DHX37: variants seen among roughly 807,000 people sequenced by gnomAD.
The protein encoded by DHX37 is DEAH-box helicase 37.
In DHX37, 52 loss-of-function variants were observed where a neutral mutation model predicts 134.3. The ratio of observed to expected loss-of-function variants is 0.39; its 90% CI spans 0.31 to 0.49. The LOEUF is 0.49. DHX37 is among the 20% of genes least tolerant of loss of function. The pLI is 0.93. For missense variants in DHX37, 1,344 were observed against 1,580.8 expected (o/e 0.85, Z 2.54); for synonymous variants, 634 against 670.7 (o/e 0.95, Z 0.85).
intron 9 of DHX37, 32 bp from the exon 10 acceptor site, chr12:124,968,680 G>GA (rs761581252): frequency 1.2e-6 from 2 of 1,613,478 alleles, no homozygotes; most frequent in African/African-American, 2.7e-5. Context: ...ATGGGGAGTG[G>GA]GGGGGACACG....
chr12:124,988,875 GGGAAATCTCC>G (rs1954923116), intron 1 of DHX37, 32 bp downstream of exon 1: 1 of 1,256,500 alleles, frequency 8.0e-7, no homozygotes, highest in African/African-American at 1.5e-5. Context: ...AGGCCGCCCT[GGGAAATCTCC>G]GAAATCCAGC....
At position 124,986,238 on chromosome 12, in the gene DHX37, G is replaced by C. The variant is rs1404413126; in HGVS notation, c.134C>G (p.Ala45Gly). Residue 45 changes from alanine to glycine, a missense_variant, in exon 2 of 27, where the codon GCA (alanine) becomes GGA (glycine). By Grantham distance (60) the Ala-to-Gly change is moderately conservative (BLOSUM62 0). Transcript: ENST00000308736. Reference protein sequence around the residue: ...EDKDTLKGVDASNALVLPGKK... With the variant: ...EDKDTLKGVDGSNALVLPGKK... ...CCCCGGTAGAACGAGCGCGTTGCTT[G>C]CATCAACTCCCTTCAACGTGTCCTT... is the stretch of plus-strand genomic sequence containing the variant. The C allele has an allele frequency of 1.6e-5, 26 of 1,613,858 alleles. No individual in the cohort carries two copies. Among genetic ancestry groups the C allele is most frequent in the Non-Finnish European group, 2.2e-5 (26 of 1,180,024 alleles).
rs77855033 is a variant in DHX37 at position 124,948,468 on chromosome 12, T to G, written c.3291-287A>C. On this transcript the variant is annotated intron_variant, in intron 25 of 26. Transcript: ENST00000308736. ...TTGTCTCAAAAACAAACAAACTGGC[T>G]GAGCGTGGTGGCTCACGCCTGTAAT... 77 of 520,948 alleles carry G rather than the reference T, an allele frequency of 1.5e-4. No individual in the cohort carries two copies. In the East Asian group the frequency reaches 1.5e-3, roughly 10 times the overall value. 32.3% of individuals were successfully genotyped at this position (520,948 alleles called of 1,614,324 possible). A position where few individuals can be genotyped will look rare whatever the true frequency, so the allele number is the denominator to read the frequency against.
intron 8 of DHX37, 137 bp downstream of exon 8, chr12:124,971,165 A>T (rs1954514416): frequency 5.8e-6 from 8 of 1,377,164 alleles, no homozygotes; most frequent in Admixed American, 4.5e-5. Context: ...AGGCCCAGGG[A>T]GACCTTGTGC....
rs914867981 is a variant in DHX37, at chr12:124,982,368, G to A, written c.389+143C>T. The stretch of plus-strand genomic sequence containing the variant: ...GCCTTTACCCACTAGAGGCATTTAG[G>A]ATGACAATGAATTTTCAGCCACTCA... On this transcript the variant is annotated intron_variant, in intron 3 of 26. Transcript: ENST00000308736. 34 of 1,132,272 alleles carry A rather than the reference G, an allele frequency of 3.0e-5. No individual in the cohort carries two copies. The Admixed American group carries it at 8.1e-4, about 27-fold the overall frequency. The allele number at this position is 1,132,272 out of a possible 1,614,324, so 70.1% of individuals were successfully genotyped here. A position where few individuals can be genotyped will look rare whatever the true frequency, so the allele number is the denominator to read the frequency against.
chr12:124,971,258 G>T (rs200993459), intron 8 of DHX37, 44 bp downstream of exon 8: 3 of 1,591,284 alleles, frequency 1.9e-6, no homozygotes, highest in Non-Finnish European at 2.6e-6. Flanking sequence ...GAGCTGGGGG[G>T]GGCCTAGGGC....
At chr12:124,978,668 G>A (rs1403528835) in intron 4 of DHX37, among the ~76,000 whole-genome samples, 2 of 146,808 alleles carry the variant, frequency 1.4e-5, no homozygotes, top group East Asian at 4.6e-4. Context: ...GCTCACGCCT[G>A]TAATCCCAGC....
rs1299858104 is a variant in DHX37 at position 124,960,311 on chromosome 12, C to T, written c.2157+1G>A. 6.2e-7 allele frequency: 1 copy of T among 1,611,212 alleles called. No individual in the cohort carries two copies. Among genetic ancestry groups the T allele is most frequent in the Non-Finnish European group, 8.5e-7 (1 of 1,177,950 alleles). ...GAGCGGGGCTGGGGGCAGCAACTGA[C>T]CTTTTCAACGTTGAGCGCCTTCATT... On this transcript the variant is annotated splice_donor_variant, in intron 16 of 26. Coordinates refer to ENST00000308736, the MANE Select transcript of DHX37 (RefSeq NM_032656.4). LOFTEE classifies it high-confidence loss of function.
chr12:124,977,550 TC>T, intron 4 of DHX37, 60 bp from the exon 5 acceptor site: 3 of 1,495,836 alleles, frequency 2.0e-6, no homozygotes, highest in South Asian at 1.4e-5. Flanking sequence ...TGATGGGACC[TC>T]CAGGAAGGTG....
At chr12:124,952,331 G>T in intron 21 of DHX37, 67 bp downstream of exon 21, 1 of 1,489,342 alleles carries the variant, frequency 6.7e-7, no homozygotes, top group Non-Finnish European at 8.9e-7. Context: ...GACCCTGAGG[G>T]CCCAGCCCGC....
At chr12:124,968,498 G>C (rs778195592) in intron 10 of DHX37, 36 bp downstream of exon 10, 13 of 1,606,754 alleles carry the variant, frequency 8.1e-6, no homozygotes, top group Non-Finnish European at 1.0e-5. Flanking sequence ...GTTTAGGAAG[G>C]GAGGCTTCTT....
At chr12:124,967,606 A>C (rs1353594957) in intron 10 of DHX37, among the ~76,000 whole-genome samples, 1 of 152,154 alleles carries the variant, frequency 6.6e-6, no homozygotes, top group Non-Finnish European at 1.5e-5. Context: ...CTCCCAGAGA[A>C]TGGATGGGAG....
At chr12:124,967,345 C>A in intron 10 of DHX37, 127 bp from the exon 11 acceptor site, 1 of 1,037,410 alleles carries the variant, frequency 9.6e-7, no homozygotes, top group Non-Finnish European at 1.4e-6. Flanking sequence ...CAGGAGTACA[C>A]AGACATAGAT....
At chr12:124,956,612 C>T (rs1017637714) in intron 18 of DHX37, 79 bp downstream of exon 18, 23 of 1,452,000 alleles carry the variant, frequency 1.6e-5, no homozygotes, top group Non-Finnish European at 2.0e-5. Flanking sequence ...CCTCAGCCTC[C>T]TGAGTAGCTG....
intron 15 of DHX37, 84 bp downstream of exon 15, chr12:124,964,310 T>G (rs1594487970): frequency 6.3e-7 from 1 of 1,577,318 alleles, no homozygotes; most frequent in Non-Finnish European, 8.5e-7. Flanking sequence ...CAGATGGAGG[T>G]GGGGGTCAGC....
At chr12:124,986,977 C>T (rs1171230487) in intron 1 of DHX37, among the ~76,000 whole-genome samples, 1 of 152,026 alleles carries the variant, frequency 6.6e-6, no homozygotes, top group Non-Finnish European at 1.5e-5. Context: ...AACTCCTGAC[C>T]CCCAAGTGAG....
In DHX37 at chr12:124,982,529, C is replaced by T. The variant is rs1594512477; in HGVS notation, c.371G>A (p.Arg124His). Reference protein sequence around the residue: ...YTTSKLGTGNRMYHTKEKADE... With the variant: ...YTTSKLGTGNHMYHTKEKADE... ...AACTCACTCTTTGGTGTGATACATGCGGTTCCCAGTGCCTAGCTTGGAAGT... is the reference window on the plus strand; with the variant it reads ...AACTCACTCTTTGGTGTGATACATGTGGTTCCCAGTGCCTAGCTTGGAAGT... The change falls in exon 3 of 27, where the codon CGC becomes CAC. Residue 124 changes from arginine (R) to histidine (H), a missense_variant. By Grantham distance (29) the Arg-to-His change is conservative (BLOSUM62 0). Transcript: ENST00000308736. The T allele has an allele frequency of 6.2e-6, 10 of 1,613,440 alleles. No homozygotes were observed. Among genetic ancestry groups the T allele is most frequent in the African/African-American group, 4.0e-5 (3 of 75,024 alleles).
At chr12:124,974,952 T>G (rs952139415) in intron 6 of DHX37, among the ~76,000 whole-genome samples, 3 of 151,980 alleles carry the variant, frequency 2.0e-5, no homozygotes, top group African/African-American at 7.3e-5. Context: ...CATCTTGTAT[T>G]TTTAGTAGAG....
At chr12:124,968,683 G>T (rs1298350069) in intron 9 of DHX37, 35 bp from the exon 10 acceptor site, 4 of 1,613,546 alleles carry the variant, frequency 2.5e-6, no homozygotes, top group South Asian at 1.1e-5. Flanking sequence ...GGGAGTGGGG[G>T]GGACACGAGC....
Sources: gnomAD v4.1 joint callset for allele counts (sites outside exome capture counted in the v4.1 genomes callset) on GRCh38, gnomAD v4.1.1 for gene constraint, MANE v1.5 for transcripts, NCBI Gene and HGNC (gene_info 2026-07-23, HGNC 2026-07-21) for gene names.